The following MAMSTR variants were observed in gnomAD, a reference collection of about 807,000 sequenced individuals.
MAMSTR encodes MEF2 activating motif and SAP domain containing transcriptional regulator, also known as MEF2-activating motif and SAP domain-containing transcriptional regulator.
In MAMSTR, 41 loss-of-function variants were observed where a neutral mutation model predicts 42.7. That is an observed-to-expected ratio of 0.96 (90% CI 0.75 to 1.25). The LOEUF is 1.25. Ranked by LOEUF, MAMSTR falls within the 50% of genes most tolerant of loss-of-function variation. MAMSTR has a pLI of 0.00. For synonymous variants in MAMSTR, 265 were observed against 244.1 expected (o/e 1.09, Z -0.80); for missense variants, 567 against 557.6 (o/e 1.02, Z -0.17).
chr19:48,707,838 G>GGAAAGAAGAAAGAAA (rs2032667257), downstream of MAMSTR, among the ~76,000 whole-genome samples: 1 of 90,902 alleles, frequency 1.1e-5, no homozygotes, highest in East Asian at 2.8e-4. Flanking sequence ...AAGAAAGAAA[G>GGAAAGAAGAAAGAAA]GAAAGAAAGA....
At chr19:48,707,826 C>CG (rs2032666005), downstream of MAMSTR, among the ~76,000 whole-genome samples, 1 of 37,160 alleles carries the variant, frequency 2.7e-5, no homozygotes, top group Non-Finnish European at 5.6e-5. Context: ...GAAAGAAAGA[C>CG]AAAGAAAGAA....
downstream of MAMSTR, among the ~76,000 whole-genome samples, chr19:48,707,838 G>GGAAAGAAAGGAAA (rs2032667342): frequency 2.2e-5 from 2 of 90,902 alleles, no homozygotes; most frequent in Admixed American, 1.3e-4. Flanking sequence ...AAGAAAGAAA[G>GGAAAGAAAGGAAA]GAAAGAAAGA....
At chr19:48,712,173 G>A (rs1382349454), downstream of MAMSTR, among the ~76,000 whole-genome samples, 4 of 152,000 alleles carry the variant, frequency 2.6e-5, no homozygotes, top group South Asian at 2.1e-4. Flanking sequence ...GATTACAGGC[G>A]TTTGCCACTG....
rs780968657 is a variant in MAMSTR, at chr19:48,713,295, A to C, written c.1220T>G (p.Leu407Arg). Residue 407 changes from leucine (L) to arginine (R), a missense_variant, in exon 10 of 10, where the codon CTG becomes CGG. Coordinates refer to ENST00000318083, the MANE Select transcript of MAMSTR (RefSeq NM_001130915.2). ...ADLSDSSSSR[L>R]WDLLEDPW ...CCATGGATCCTCCAGCAGGTCCCAC[A>C]GCCGGCTGCTGCTGGAGTCAGATAA... 1.9e-6 allele frequency: 3 copies of C among 1,603,420 alleles called. No individual in the cohort carries two copies.
rs281385 is a variant in MAMSTR, at chr19:48,714,004, A to G, written c.765T>C (p.Arg255=). ...GAGCCGTCCCCGGGGTATCCGCGGC[A>G]CGTGGAAGAGGTGGCCTGTGAGATG... ...SAASHRPPLP[R]AADTPGTAPA... The change falls in exon 8 of 10, where the codon CGT becomes CGC. Residue 255 remains arginine (R), a synonymous_variant. Coordinates refer to ENST00000318083, the MANE Select transcript of MAMSTR (RefSeq NM_001130915.2). 1,376,000 of 1,609,470 alleles carry G rather than the reference A, an allele frequency of 0.85. 590,385 individuals are homozygous for G. The highest frequency in any genetic ancestry group is 0.87 in the Non-Finnish European group (1,029,975 of 1,178,164).
intron 5 of MAMSTR, 30 bp from the exon 6 acceptor site, chr19:48,714,938 G>A (rs113073743): frequency 1.4e-6 from 2 of 1,458,500 alleles, no homozygotes; most frequent in African/African-American, 1.4e-5. Flanking sequence ...GCGAACAAAG[G>A]TTAGAGAGGT....
At chr19:48,715,988 G>A (rs1222698174) in intron 3 of MAMSTR, 1 of 1,348,586 alleles carries the variant, frequency 7.4e-7, no homozygotes, top group African/African-American at 1.5e-5. Context: ...CTATCACAAA[G>A]GGGTGTGGTA....
At chr19:48,715,790 T>C (rs1280799365) in intron 3 of MAMSTR, 23 bp from the exon 4 acceptor site, 1 of 1,527,516 alleles carries the variant, frequency 6.5e-7, no homozygotes, top group Non-Finnish European at 8.8e-7. Flanking sequence ...TGAAGGACCC[T>C]GAGAGGCCTG....
In MAMSTR at chr19:48,715,446, C is replaced by G. The variant is rs1324753122; in HGVS notation, c.241G>C (p.Glu81Gln). 1 of 1,487,834 alleles carries G rather than the reference C, an allele frequency of 6.7e-7. No homozygotes were observed. The highest frequency in any genetic ancestry group is 8.9e-7 in the Non-Finnish European group (1 of 1,123,626). The allele number at this position is 1,487,834 out of a possible 1,614,324, so 92.2% of individuals were successfully genotyped here. Residue 81 changes from glutamate (E) to glutamine (Q), a missense_variant and splice_region_variant, in exon 5 of 10, where the codon GAG (glutamate) becomes CAG (glutamine). Physicochemically the swap from Glu to Gln is conservative, Grantham distance 29. Transcript: ENST00000318083. The stretch of plus-strand genomic sequence containing the variant: ...CAACGTTGGGAGATCTTGGGAGACT[C>G]CTGAAAGAGCAGGTGTGATGTTTTA... Reference protein sequence around the residue: ...YCPPWRSPKKESPKISQRWRE... With the variant: ...YCPPWRSPKKQSPKISQRWRE...
At chr19:48,716,011 A>C in intron 3 of MAMSTR, 1 of 1,273,136 alleles carries the variant, frequency 7.9e-7, no homozygotes, top group Non-Finnish European at 1.0e-6. Flanking sequence ...TGAGGATCAC[A>C]GATGTCTGAG....
At chr19:48,707,901 A>AAAGAAAGAAAGAAAAGAAAGAAAGAAAGG, downstream of MAMSTR, among the ~76,000 whole-genome samples, 1 of 128,548 alleles carries the variant, frequency 7.8e-6, no homozygotes, top group African/African-American at 3.0e-5. Flanking sequence ...AGAAAGAAAG[A>AAAGAAAGAAAGAAAAGAAAGAAAGAAAGG]AAGGAAGAAA....
At chr19:48,707,409 C>T in the MAMSTR span, among the ~76,000 whole-genome samples, 1 of 149,048 alleles carries the variant, frequency 6.7e-6, no homozygotes, top group South Asian at 2.2e-4. Flanking sequence ...CGCGAGACTC[C>T]GTCTAAAAAA....
chr19:48,716,301 G>A (rs1057007706), intron 3 of MAMSTR, among the ~76,000 whole-genome samples: 2 of 148,142 alleles, frequency 1.4e-5, no homozygotes, highest in African/African-American at 5.0e-5. Flanking sequence ...GCTTGAACCT[G>A]GGAGGTAGAG....
In MAMSTR at chr19:48,713,754, C is replaced by T. The variant is rs2032833267; in HGVS notation, c.926G>A (p.Gly309Asp). 2 of 1,614,238 alleles carry T rather than the reference C, an allele frequency of 1.2e-6. No homozygotes were observed. The highest frequency in any genetic ancestry group is 8.5e-7 in the Non-Finnish European group (1 of 1,180,036). Residue 309 changes from glycine to aspartate, a missense_variant, in exon 9 of 10, where the codon GGC (glycine) becomes GAC (aspartate). Coordinates refer to ENST00000318083, the MANE Select transcript of MAMSTR (RefSeq NM_001130915.2). Reference protein sequence around the residue: ...IRRAQLLPNRGIDDILEDQVE... With the variant: ...IRRAQLLPNRDIDDILEDQVE... ...CTGATCCTCCAGGATGTCATCGATGCCCCGGTTAGGAAGCAACTGCGGATG... is the reference window on the plus strand; with the variant it reads ...CTGATCCTCCAGGATGTCATCGATGTCCCGGTTAGGAAGCAACTGCGGATG...
downstream of MAMSTR, among the ~76,000 whole-genome samples, chr19:48,710,961 G>A: frequency 6.6e-6 from 1 of 152,164 alleles, no homozygotes; most frequent in East Asian, 1.9e-4. Context: ...CCCTTGGGCT[G>A]GAGGTTCCTG....
chr19:48,706,165 T>C, the MAMSTR span, among the ~76,000 whole-genome samples: 2 of 150,282 alleles, frequency 1.3e-5, no homozygotes, highest in Non-Finnish European at 1.5e-5. Context: ...TGCAGACCTG[T>C]AGTCCCAGCT....
chr19:48,716,374 C>CAAAAAAAA (rs35058019), intron 3 of MAMSTR, among the ~76,000 whole-genome samples: 2 of 65,004 alleles, frequency 3.1e-5, no homozygotes, highest in East Asian at 8.0e-4. Flanking sequence ...GATTCCATCT[C>CAAAAAAAA]AAAAAAAAAA....
chr19:48,715,565 G>A (rs763321796), intron 4 of MAMSTR, 60 bp downstream of exon 4: 88 of 1,492,558 alleles, frequency 5.9e-5, no homozygotes, highest in Non-Finnish European at 7.7e-5. Flanking sequence ...AATGGCAGCA[G>A]CAACAAGGGA....
chr19:48,719,120 C>T lies in MAMSTR; in HGVS notation c.-21-68G>A. On this transcript the variant is annotated intron_variant, in intron 1 of 9. Transcript: ENST00000318083. This position sits in a 1 kb window ranked among gnomAD's most constrained non-coding sequence, Gnocchi z 4.4. Reference sequence around the variant, plus strand: ...GCTCAGAGTGGAGGTCAGGAGGCCGCCCCTGAGAGTGAATTCAGCAGGGAA... The same window carrying T: ...GCTCAGAGTGGAGGTCAGGAGGCCGTCCCTGAGAGTGAATTCAGCAGGGAA... The T allele has an allele frequency of 9.0e-7, 1 of 1,106,986 alleles. No homozygotes were observed. The highest frequency in any genetic ancestry group is 1.3e-5 in the South Asian group (1 of 75,086). The allele number at this position is 1,106,986 out of a possible 1,614,324, so 68.6% of individuals were successfully genotyped here.
Sources: gnomAD v4.1 joint callset for allele counts (sites outside exome capture counted in the v4.1 genomes callset) on GRCh38, gnomAD v4.1.1 for gene constraint, Gnocchi (gnomAD v3.1) non-coding constraint, MANE v1.5 for transcripts, NCBI Gene and HGNC (gene_info 2026-07-23, HGNC 2026-07-21) for gene names.